Variants in MADCAM1 observed in about 807,000 individuals in gnomAD.
The protein encoded by MADCAM1 is mucosal addressin cell adhesion molecule 1.
In MADCAM1, 19 loss-of-function variants were observed where a neutral mutation model predicts 26.1. The observed-to-expected ratio is 0.73, with a 90% confidence interval of 0.51 to 1.07. The LOEUF (loss-of-function observed/expected upper bound fraction) is 1.07, where lower values mean the gene tolerates loss of function less well. Ranked by LOEUF, MADCAM1 falls within the 50% of genes least tolerant of loss-of-function variation. The pLI is 0.00. For synonymous variants in MADCAM1, 268 were observed against 260.9 expected (o/e 1.03, Z -0.26); for missense variants, 514 against 542.1 (o/e 0.95, Z 0.51).
chr19:505,251 A>C lies in MADCAM1; in HGVS notation c.*286A>C, dbSNP rs1337939280. ...TTGATTCATGTCTCACGTCTCCCTA[A>C]AAATGCGTAAGACCAAGCTGTGCCC... On this transcript the variant is annotated 3_prime_UTR_variant, in exon 5 of 5. Coordinates refer to ENST00000215637, the MANE Select transcript of MADCAM1 (RefSeq NM_130760.3). 8.4e-6 allele frequency: 3 copies of C among 358,810 alleles called. No homozygotes were observed. The highest frequency in any genetic ancestry group is 1.0e-5 in the Non-Finnish European group (2 of 198,350). The allele number at this position is 358,810 out of a possible 1,614,324, so 22.2% of individuals were successfully genotyped here. A position where few individuals can be genotyped will look rare whatever the true frequency, so the allele number is the denominator to read the frequency against.
At position 498,925 on chromosome 19, in the gene MADCAM1, G is replaced by A. The variant is rs898612110; in HGVS notation, c.667+100G>A. 14 of 1,357,710 alleles carry A rather than the reference G, an allele frequency of 1.0e-5. No individual in the cohort carries two copies. In the Admixed American group the frequency reaches 3.4e-4, roughly 33 times the overall value. The allele number at this position is 1,357,710 out of a possible 1,614,324, so 84.1% of individuals were successfully genotyped here. A position where few individuals can be genotyped will look rare whatever the true frequency, so the allele number is the denominator to read the frequency against. ...TGGGGGGGCAGCACCTGTGCTGTGG[G>A]GCGCTGGGAGGACTGGATTCCCCCA... On this transcript the variant is annotated intron_variant, in intron 3 of 4. Transcript: ENST00000215637.
intron 3 of MADCAM1, among the ~76,000 whole-genome samples, chr19:500,802 G>A (rs201594944): frequency 6.6e-6 from 1 of 151,132 alleles, no homozygotes; most frequent in Non-Finnish European, 1.5e-5. Flanking sequence ...CCCGGGAGGC[G>A]GAGGTTGCAG....
At position 504,759 on chromosome 19, in the gene MADCAM1, G is replaced by C. The variant is rs1446359968; in HGVS notation, c.943G>C (p.Gly315Arg). 6.2e-7 allele frequency: 1 copy of C among 1,605,248 alleles called. No individual in the cohort carries two copies. Among genetic ancestry groups the C allele is most frequent in the Non-Finnish European group, 8.5e-7 (1 of 1,173,652 alleles). Residue 315 changes from glycine (G) to arginine (R), a missense_variant, in exon 5 of 5, where the codon GGT becomes CGT. Physicochemically the swap from Gly to Arg is moderately radical, Grantham distance 125. Transcript: ENST00000215637. Reference protein sequence around the residue: ...VIPTGSSKPAGDQLPAALWTS... With the variant: ...VIPTGSSKPARDQLPAALWTS... ...TCTCTCCCCAGCGTCCAAACCTGCG[G>C]GTGACCAGCTGCCCGCGGCTCTGTG...
At position 498,680 on chromosome 19, in the gene MADCAM1, G is replaced by T. The variant is rs1978299061; in HGVS notation, c.522G>T (p.Glu174Asp). The T allele has an allele frequency of 2.1e-6, 3 of 1,449,690 alleles. No individual in the cohort carries two copies. The highest frequency in any genetic ancestry group is 2.9e-5 in the African/African-American group (2 of 69,264). 89.8% of individuals were successfully genotyped at this position (1,449,690 alleles called of 1,614,324 possible). ...CGGAGGTGCAGGAGGAGGAGGAGGA[G>T]CCCCAGGGGGACGAGGACGTGCTGT... ...LGPEVQEEEE[E>D]PQGDEDVLFR... The change falls in exon 3 of 5, where the codon GAG becomes GAT. Residue 174 changes from glutamate to aspartate, a missense_variant. Around this residue, in one of 3 missense-constraint regions of MADCAM1, gnomAD observed 317 missense variants for 313.6 expected, o/e 1.01. Coordinates refer to ENST00000215637, the MANE Select transcript of MADCAM1 (RefSeq NM_130760.3).
chr19:499,276 C>T, intron 3 of MADCAM1: 1 of 461,016 alleles, frequency 2.2e-6, no homozygotes, highest in Non-Finnish European at 4.3e-6. Context: ...TCTTCCGGAT[C>T]TTTCCACGGC....
Position 504,725 on chromosome 19 carries a change from C to G in MADCAM1, c.929-20C>G. 1 of 1,577,396 alleles carries G rather than the reference C, an allele frequency of 6.3e-7. No homozygotes were observed. The highest frequency in any genetic ancestry group is 8.7e-7 in the Non-Finnish European group (1 of 1,151,352). ...AGGCCTGGAGGGCTCTGACCGGGGTCTCCTGCACTCTCTCCCCAGCGTCCA... is the reference window on the plus strand; with the variant it reads ...AGGCCTGGAGGGCTCTGACCGGGGTGTCCTGCACTCTCTCCCCAGCGTCCA... On this transcript the variant is annotated intron_variant, in intron 4 of 4. Transcript: ENST00000215637.
chr19:504,635 G>C, intron 4 of MADCAM1, 110 bp from the exon 5 acceptor site: 1 of 732,198 alleles, frequency 1.4e-6, no homozygotes, highest in Admixed American at 2.4e-5. Context: ...TGAAATTTCA[G>C]GGAACGTGGT....
At chr19:502,716 G>A (rs920802707) in intron 4 of MADCAM1, among the ~76,000 whole-genome samples, 12 of 152,238 alleles carry the variant, frequency 7.9e-5, no homozygotes, top group African/African-American at 2.9e-4. Context: ...GGTGCTCATT[G>A]TAGACGGAAC....
chr19:504,825 C>T lies in MADCAM1; in HGVS notation c.1009C>T (p.Pro337Ser), dbSNP rs748289153. Residue 337 changes from proline to serine, a missense_variant, in exon 5 of 5, where the codon CCC becomes TCC. By Grantham distance (74) the Pro-to-Ser change is moderately conservative. Transcript: ENST00000215637. ...GCTGGGACTGCTGCTCCTGGCCTTG[C>T]CCACCTATCACCTCTGGAAACGCTG... Reference protein sequence around the residue: ...AVLGLLLLALPTYHLWKRCRH... With the variant: ...AVLGLLLLALSTYHLWKRCRH... The T allele has an allele frequency of 6.2e-7, 1 of 1,613,022 alleles. No individual in the cohort carries two copies. Among genetic ancestry groups the T allele is most frequent in the East Asian group, 2.2e-5 (1 of 44,884 alleles).
chr19:499,401 C>T, intron 3 of MADCAM1: 1 of 454,466 alleles, frequency 2.2e-6, no homozygotes, highest in South Asian at 1.6e-5. Context: ...CATAGGCACA[C>T]AAGCACACAC....
chr19:496,653 G>C (rs1976575122), intron 1 of MADCAM1, 102 bp downstream of exon 1: 1 of 593,050 alleles, frequency 1.7e-6, no homozygotes, highest in East Asian at 4.2e-5. Flanking sequence ...AGAGAGGAGA[G>C]GGCCCGGGAG....
intron 3 of MADCAM1, chr19:499,102 C>A: frequency 1.5e-6 from 1 of 653,588 alleles, no homozygotes; most frequent in South Asian, 1.5e-5. Flanking sequence ...GGAACCTGCA[C>A]GACCTACCCT....
intron 3 of MADCAM1, chr19:500,221 A>G (rs903055462): frequency 6.6e-6 from 3 of 456,044 alleles, no homozygotes; most frequent in African/African-American, 4.0e-5. Flanking sequence ...AGGGCAGCCC[A>G]AAGAGGTGAC....
chr19:500,549 G>C (rs1325288337), intron 3 of MADCAM1, among the ~76,000 whole-genome samples: 1 of 152,130 alleles, frequency 6.6e-6, no homozygotes, highest in African/African-American at 2.4e-5. Context: ...GGCCAACATA[G>C]TGAAACCCCA....
Position 504,255 on chromosome 19 carries a change from C to CATT in MADCAM1, c.929-490_929-489insATT, listed in dbSNP as rs1270034691. On this transcript the variant is annotated intron_variant, in intron 4 of 4. Coordinates refer to ENST00000215637, the MANE Select transcript of MADCAM1 (RefSeq NM_130760.3). ...TGAGCCGTCCTCTCTCCGGTCTGCCCTTTTTTTTTTTTTTTTTTTTTTTTG... is the reference window on the plus strand; with the variant it reads ...TGAGCCGTCCTCTCTCCGGTCTGCCCATTTTTTTTTTTTTTTTTTTTTTTTTTG... Among the ~76,000 whole-genome samples the CATT allele has an allele frequency of 1.8e-4, 16 of 88,156 alleles. 2 individuals carry two copies. The highest frequency in any genetic ancestry group is 1.3e-4 in the African/African-American group (3 of 23,838). The allele number at this position is 88,156 out of a possible 152,430, so 57.8% of individuals were successfully genotyped here.
chr19:500,915 C>T (rs1005477066), intron 3 of MADCAM1, among the ~76,000 whole-genome samples: 1 of 151,496 alleles, frequency 6.6e-6, no homozygotes, highest in Non-Finnish European at 1.5e-5. Flanking sequence ...AACAGTAAGC[C>T]GAATAGAAAC....
In MADCAM1 at chr19:497,871, C is replaced by A; in HGVS notation, c.91C>A (p.Pro31Thr). ...GGTGAAGCCCCTGCAGGTGGAGCCC[C>A]CGGAGCCGGTGGTGGCCGTGGCCTT... ...LQVKPLQVEP[P>T]EPVVAVALGA... The change falls in exon 2 of 5, where the codon CCG becomes ACG. Residue 31 changes from proline (P) to threonine (T), a missense_variant. Around this residue, in one of 3 missense-constraint regions of MADCAM1, gnomAD observed 317 missense variants for 313.6 expected, o/e 1.01. Coordinates refer to ENST00000215637, the MANE Select transcript of MADCAM1 (RefSeq NM_130760.3). 1 of 1,346,344 alleles carries A rather than the reference C, an allele frequency of 7.4e-7. No homozygotes were observed. Among genetic ancestry groups the A allele is most frequent in the South Asian group, 1.9e-5 (1 of 52,774 alleles). The allele number at this position is 1,346,344 out of a possible 1,614,324, so 83.4% of individuals were successfully genotyped here.
chr19:503,692 G>A (rs1978472452), intron 4 of MADCAM1, among the ~76,000 whole-genome samples: 2 of 152,076 alleles, frequency 1.3e-5, no homozygotes, highest in Non-Finnish European at 1.5e-5. Context: ...CTTGAGCCCA[G>A]GAGGTTGAGG....
intron 4 of MADCAM1, among the ~76,000 whole-genome samples, chr19:502,517 G>C (rs929668694): frequency 1.3e-5 from 2 of 152,038 alleles, no homozygotes; most frequent in African/African-American, 4.8e-5. Context: ...GACCACGCTG[G>C]TCTCCAACTC....
Sources: gnomAD v4.1 joint callset for allele counts (sites outside exome capture counted in the v4.1 genomes callset) on GRCh38, gnomAD v4.1.1 for gene constraint, gnomAD v4.1.1 regional missense constraint, MANE v1.5 for transcripts, NCBI Gene and HGNC (gene_info 2026-07-23, HGNC 2026-07-21) for gene names.